The following DPY19L1 variants were observed in gnomAD, a reference collection of about 807,000 sequenced individuals.
DPY19L1 encodes protein C-mannosyl-transferase DPY19L1.
DPY19L1 carries 35 observed loss-of-function variants against 96.9 expected under a neutral mutation model. That is an observed-to-expected ratio of 0.36 (90% confidence interval 0.28 to 0.48). The LOEUF (loss-of-function observed/expected upper bound fraction) is 0.48. Among genes scored for constraint, DPY19L1 ranks in the 20% least tolerant of loss-of-function variants. The pLI, the probability that DPY19L1 is intolerant of heterozygous loss-of-function variation, is 0.99. For missense variants in DPY19L1, 521 were observed against 777.9 expected, an observed-to-expected ratio of 0.67 and a Z score of 3.93; for synonymous variants, 205 against 252.6, an observed-to-expected ratio of 0.81 and a Z score of 1.79.
intron 1 of DPY19L1, among the ~76,000 whole-genome samples, chr7:35,028,668 G>C (rs185602908): frequency 2.0e-5 from 3 of 152,154 alleles, no homozygotes; most frequent in Non-Finnish European, 4.4e-5. Context: ...ATTCAGTAAA[G>C]GAATAAAGAA....
chr7:35,003,366 C>G (rs782736897), intron 6 of DPY19L1, among the ~76,000 whole-genome samples: 16 of 152,182 alleles, frequency 1.1e-4, no homozygotes, highest in Non-Finnish European at 1.6e-4. Flanking sequence ...CAGTCCAGAA[C>G]CAAGTACTGA....
intron 6 of DPY19L1, chr7:35,000,382 A>G (rs1483558569): frequency 1.3e-5 from 2 of 152,350 alleles, no homozygotes; most frequent in East Asian, 3.9e-4. Flanking sequence ...ATGGAGTTAC[A>G]GTCATCTTAC....
chr7:34,959,300 G>T (rs1015482247), intron 10 of DPY19L1, among the ~76,000 whole-genome samples: 3 of 152,310 alleles, frequency 2.0e-5, no homozygotes, highest in African/African-American at 7.2e-5. Context: ...GTGGAAGATA[G>T]TGTGACAATT....
intron 4 of DPY19L1, among the ~76,000 whole-genome samples, chr7:35,011,992 T>C (rs1337495372): frequency 6.6e-6 from 1 of 152,236 alleles, no homozygotes; most frequent in East Asian, 1.9e-4. Flanking sequence ...GTACAAGCGG[T>C]GGCAAGCCAC....
At chr7:35,020,849 C>T (rs150400525) in intron 1 of DPY19L1, among the ~76,000 whole-genome samples, 44 of 152,124 alleles carry the variant, frequency 2.9e-4, no homozygotes, top group African/African-American at 1.0e-3. Context: ...GCTGGGATTA[C>T]AGGTAAATGC....
At position 35,011,209 on chromosome 7, in the gene DPY19L1, A is replaced by G. The variant is rs1326009369; in HGVS notation, c.670+121T>C. 3.4e-6 allele frequency: 4 copies of G among 1,170,070 alleles called. No homozygotes were observed. In the African/African-American group the frequency reaches 4.8e-5, roughly 14 times the overall value. 72.5% of individuals were successfully genotyped at this position (1,170,070 alleles called of 1,614,324 possible). On this transcript the variant is annotated intron_variant, in intron 5 of 21. Coordinates refer to ENST00000638088, the MANE Select transcript of DPY19L1 (RefSeq NM_001366673.1). ...CCCAAATTCTGGACTTGCAGAATCT[A>G]TATATGCATAATAAAATGGGTGTTG...
chr7:35,037,786 GC>G (rs1168642711), upstream of DPY19L1: 7 of 1,196,892 alleles, frequency 5.8e-6, no homozygotes, highest in African/African-American at 4.8e-5. Flanking sequence ...CGCAGGCGGG[GC>G]CCGACCCCTC....
chr7:35,038,031 G>T, upstream of DPY19L1: 1 of 674,468 alleles, frequency 1.5e-6, no homozygotes, highest in Non-Finnish European at 2.0e-6. Context: ...GCCCGGAGCG[G>T]CCACTTAGGG....
At chr7:34,934,905 T>C (rs952064382) in intron 21 of DPY19L1, among the ~76,000 whole-genome samples, 2 of 152,204 alleles carry the variant, frequency 1.3e-5, no homozygotes, top group African/African-American at 4.8e-5. Flanking sequence ...ACCCCTGCTC[T>C]AGAGGCAACA....
At chr7:34,940,405 G>A in intron 18 of DPY19L1, 78 bp from the exon 19 acceptor site, 1 of 1,222,360 alleles carries the variant, frequency 8.2e-7, no homozygotes, top group Non-Finnish European at 1.1e-6. Flanking sequence ...TCTTCCCAGA[G>A]AAGAATAAGG....
At chr7:35,034,490 T>C (rs2128684806) in intron 1 of DPY19L1, among the ~76,000 whole-genome samples, 1 of 152,296 alleles carries the variant, frequency 6.6e-6, no homozygotes, top group South Asian at 2.1e-4. Context: ...AAAATAAACA[T>C]GTCAAGAACC....
intron 7 of DPY19L1, among the ~76,000 whole-genome samples, chr7:34,976,969 A>G (rs1208559352): frequency 5.3e-5 from 8 of 151,970 alleles, no homozygotes; most frequent in Non-Finnish European, 7.4e-5. Flanking sequence ...TTGTATTTTT[A>G]ATAGAGAAAG....
intron 11 of DPY19L1, 22 bp downstream of exon 11, chr7:34,957,962 A>G (rs201101712): frequency 1.5e-5 from 22 of 1,473,998 alleles, no homozygotes; most frequent in East Asian, 6.9e-5. Context: ...AAACAGCCAT[A>G]TAAGTGTTAA....
chr7:34,952,813 A>G (rs540983291), intron 13 of DPY19L1, among the ~76,000 whole-genome samples: 76 of 152,270 alleles, frequency 5.0e-4, no homozygotes, highest in African/African-American at 1.8e-3. Flanking sequence ...TTAAAATTGG[A>G]CAAAATTATA....
chr7:35,001,278 C>T (rs1008186630), intron 6 of DPY19L1, among the ~76,000 whole-genome samples: 7 of 152,176 alleles, frequency 4.6e-5, no homozygotes, highest in African/African-American at 1.7e-4. Flanking sequence ...TTGGTAAACG[C>T]TAGTAAAGCT....
rs569347879 is a variant in DPY19L1, at chr7:35,011,374, G to A, written c.626C>T (p.Thr209Met). 20 of 1,613,272 alleles carry A rather than the reference G, an allele frequency of 1.2e-5. 3 individuals are homozygous for A. The highest frequency in any genetic ancestry group is 1.1e-4 in the South Asian group (10 of 90,960). ...ACTGAGTCCTTCTCCTCTGGTAACC[G>A]TCCAACATATCTTGGTTTGAATACC... ...LIGIQTKICW[T>M]VTRGEGLSPI... Residue 209 changes from threonine to methionine, a missense_variant, in exon 5 of 22, where the codon ACG becomes ATG. Transcript: ENST00000638088.
intron 10 of DPY19L1, among the ~76,000 whole-genome samples, chr7:34,959,918 TA>T (rs1562806929): frequency 0.031 from 514 of 16,468 alleles, 1 homozygote; most frequent in South Asian, 0.082. Context: ...TATATATATA[TA>T]TATATTTATA....
chr7:34,976,590 A>G (rs1009611411), intron 7 of DPY19L1, among the ~76,000 whole-genome samples: 3 of 152,240 alleles, frequency 2.0e-5, no homozygotes, highest in African/African-American at 7.2e-5. Context: ...AAACGCTATC[A>G]AACAGCATCA....
chr7:34,948,105 G>C (rs188683718), intron 14 of DPY19L1, among the ~76,000 whole-genome samples: 1 of 151,862 alleles, frequency 6.6e-6, no homozygotes, highest in African/African-American at 2.4e-5. Context: ...ACTTTCTCAC[G>C]CATAAACAAA....
Sources: allele counts gnomAD v4.1 joint callset (sites outside exome capture counted in the v4.1 genomes callset), GRCh38; gene constraint gnomAD v4.1.1; transcripts MANE v1.5; gene names NCBI Gene and HGNC (gene_info 2026-07-23, HGNC 2026-07-21).